FAF1: variants seen among roughly 807,000 people sequenced by gnomAD.
The protein encoded by FAF1 is FAS-associated factor 1.
Under a neutral mutation model 92.5 loss-of-function variants are expected in FAF1, and 25 were observed. The ratio of observed to expected loss-of-function variants is 0.27; its 90% CI spans 0.20 to 0.38. The LOEUF is 0.38. Among genes scored for constraint, FAF1 ranks in the 10% least tolerant of loss-of-function variants. The probability of loss-of-function intolerance (pLI) is 1.00; values close to 1 mark genes in which losing one functional copy is unlikely to be tolerated. For synonymous variants in FAF1, 234 were observed against 273.2 expected (o/e 0.86, Z 1.42); for missense variants, 636 against 793.3 (o/e 0.80, Z 2.38).
chr1:50,517,179 C>T (rs924238911), intron 15 of FAF1, among the ~76,000 whole-genome samples: 2 of 152,076 alleles, frequency 1.3e-5, no homozygotes, highest in African/African-American at 2.4e-5. Context: ...AAACAAAATG[C>T]TAGAATTCAA....
intron 4 of FAF1, among the ~76,000 whole-genome samples, chr1:50,760,841 G>T (rs1660295702): frequency 6.6e-6 from 1 of 152,072 alleles, no homozygotes; most frequent in East Asian, 1.9e-4. Context: ...TAAAATCAGA[G>T]CAGAACTGAA....
chr1:50,928,699 C>T (rs1645024786), intron 1 of FAF1, among the ~76,000 whole-genome samples: 1 of 147,132 alleles, frequency 6.8e-6, no homozygotes, highest in Non-Finnish European at 1.5e-5. Flanking sequence ...AAGAGAATCG[C>T]TTGAACCTGG....
intron 1 of FAF1, among the ~76,000 whole-genome samples, chr1:50,936,782 A>C (rs1248631832): frequency 6.6e-6 from 1 of 152,182 alleles, no homozygotes; most frequent in East Asian, 1.9e-4. Context: ...CAGACTCTTC[A>C]TGTACATTAA....
intron 8 of FAF1, among the ~76,000 whole-genome samples, chr1:50,621,620 G>A (rs1044044458): frequency 7.3e-5 from 11 of 151,528 alleles, no homozygotes; most frequent in African/African-American, 1.7e-4. Context: ...GGGTGGTCTC[G>A]AACTCCTGAG....
intron 2 of FAF1, among the ~76,000 whole-genome samples, chr1:50,841,290 C>T (rs1212016404): frequency 6.6e-6 from 1 of 151,814 alleles, no homozygotes; most frequent in Non-Finnish European, 1.5e-5. Flanking sequence ...CATCTATAGG[C>T]TTCAAAATTT....
chr1:50,883,423 T>A (rs1053862536), intron 1 of FAF1, among the ~76,000 whole-genome samples: 6 of 152,198 alleles, frequency 3.9e-5, no homozygotes, highest in African/African-American at 1.4e-4. Flanking sequence ...AACGTCAGGT[T>A]ATAAGCCTTC....
At chr1:50,802,247 C>A (rs774391489) in intron 2 of FAF1, among the ~76,000 whole-genome samples, 3 of 152,158 alleles carry the variant, frequency 2.0e-5, no homozygotes, top group South Asian at 4.1e-4. Flanking sequence ...TGTGCCACTA[C>A]GCCCAGCTAA....
intron 6 of FAF1, among the ~76,000 whole-genome samples, chr1:50,718,139 C>G (rs1658263544): frequency 6.6e-6 from 1 of 152,066 alleles, no homozygotes; most frequent in South Asian, 2.1e-4. Flanking sequence ...CCTGCTTCAG[C>G]CTCCCAAGTA....
At chr1:50,674,981 C>G (rs1188425336) in intron 7 of FAF1, among the ~76,000 whole-genome samples, 4 of 152,070 alleles carry the variant, frequency 2.6e-5, no homozygotes, top group Non-Finnish European at 5.9e-5. Context: ...ACCTCCGCCT[C>G]CTGGGTTCAA....
intron 6 of FAF1, among the ~76,000 whole-genome samples, chr1:50,716,913 C>A (rs572002802): frequency 2.6e-5 from 4 of 152,324 alleles, no homozygotes; most frequent in Admixed American, 1.3e-4. Flanking sequence ...CACAATAAAT[C>A]TTGTTGCTGC....
intron 1 of FAF1, among the ~76,000 whole-genome samples, chr1:50,926,120 G>T (rs1443761923): frequency 6.6e-6 from 1 of 152,140 alleles, no homozygotes; most frequent in Non-Finnish European, 1.5e-5. Flanking sequence ...GGGAGACTGA[G>T]GGGGGAGGAT....
At chr1:50,627,742 G>A (rs907429078) in intron 8 of FAF1, among the ~76,000 whole-genome samples, 22 of 152,070 alleles carry the variant, frequency 1.4e-4, no homozygotes, top group African/African-American at 5.3e-4. Context: ...TTCTTAATCT[G>A]GATGCTGGCT....
chr1:50,896,081 A>G (rs1644755687), intron 1 of FAF1, among the ~76,000 whole-genome samples: 1 of 152,230 alleles, frequency 6.6e-6, no homozygotes, highest in East Asian at 1.9e-4. Flanking sequence ...AAGGGTATCC[A>G]AATTGGAAAG....
At chr1:50,691,317 A>G (rs1274607859) in intron 7 of FAF1, among the ~76,000 whole-genome samples, 7 of 151,104 alleles carry the variant, frequency 4.6e-5, no homozygotes. Context: ...ATCTCAGCTC[A>G]CTGCAGCCTC....
At chr1:50,670,308 G>A (rs1013043256) in intron 7 of FAF1, among the ~76,000 whole-genome samples, 3 of 151,442 alleles carry the variant, frequency 2.0e-5, no homozygotes, top group African/African-American at 7.3e-5. Context: ...GGCTGGTCTC[G>A]AACTCCTGGA....
intron 15 of FAF1, among the ~76,000 whole-genome samples, chr1:50,515,461 G>A (rs1042034794): frequency 6.6e-6 from 1 of 152,126 alleles, no homozygotes; most frequent in African/African-American, 2.4e-5. Flanking sequence ...TGGCCCACCT[G>A]CAGAGATTCT....
intron 6 of FAF1, among the ~76,000 whole-genome samples, chr1:50,721,573 A>G (rs1658414115): frequency 6.6e-6 from 1 of 152,096 alleles, no homozygotes. Context: ...AGTTTTCAAA[A>G]AACTTATTTA....
At chr1:50,887,710 G>C (rs960905350) in intron 1 of FAF1, among the ~76,000 whole-genome samples, 1 of 152,098 alleles carries the variant, frequency 6.6e-6, no homozygotes, top group Admixed American at 6.5e-5. Flanking sequence ...TTATTTTGGA[G>C]GGCTCTGTTC....
intron 15 of FAF1, among the ~76,000 whole-genome samples, chr1:50,528,605 T>C (rs756242194): frequency 1.3e-5 from 2 of 152,230 alleles, no homozygotes; most frequent in African/African-American, 2.4e-5. Context: ...GCATCTTCTA[T>C]ACTGGTACTG....
Sources: gnomAD v4.1 joint callset for allele counts (sites outside exome capture counted in the v4.1 genomes callset) on GRCh38, gnomAD v4.1.1 for gene constraint, MANE v1.5 for transcripts, NCBI Gene and HGNC (gene_info 2026-07-23, HGNC 2026-07-21) for gene names.